CCDC7: variants seen among roughly 807,000 people sequenced by gnomAD.
The protein encoded by CCDC7 is coiled-coil domain-containing protein 7.
CCDC7 carries 183 observed loss-of-function variants against 196.9 expected under a neutral mutation model. The observed-to-expected ratio is 0.93, with a 90% CI of 0.82 to 1.05. The LOEUF (loss-of-function observed/expected upper bound fraction) is 1.05, where lower values mean the gene tolerates loss of function less well. CCDC7 is among the 50% of genes least tolerant of loss of function. The pLI, the probability that CCDC7 is intolerant of heterozygous loss-of-function variation, is 0.00. For missense variants in CCDC7, 1,540 were observed against 1,482.2 expected (o/e 1.04, Z -0.64); for synonymous variants, 525 against 484.6 (o/e 1.08, Z -1.10).
Position 32,688,028 on chromosome 10 carries a change from G to A in CCDC7, c.2234-1025G>A, listed in dbSNP as rs1319209941. Among the ~76,000 whole-genome samples, 7 of 152,126 alleles carry A rather than the reference G, an allele frequency of 4.6e-5. No individual in the cohort carries two copies. The East Asian group carries it at 1.3e-3, about 29-fold the overall frequency. On this transcript the variant is annotated intron_variant, in intron 22 of 41. Coordinates refer to ENST00000639629, the Ensembl canonical transcript of CCDC7. ...TGGGCCAAACTTTCAGAGAACAAAT[G>A]ATAGCCTATAGAGAAAGGAGAGTGC...
chr10:32,603,962 A>G (rs969146689), intron 18 of CCDC7, among the ~76,000 whole-genome samples: 5 of 151,900 alleles, frequency 3.3e-5, no homozygotes, highest in African/African-American at 9.7e-5. Context: ...ATATAGTTCC[A>G]TTTGTCTATT....
chr10:32,754,218 G>T (rs975889396), intron 28 of CCDC7, among the ~76,000 whole-genome samples: 4 of 152,108 alleles, frequency 2.6e-5, no homozygotes, highest in Non-Finnish European at 5.9e-5. Context: ...TTTAATATCA[G>T]TATGATGTTC....
chr10:32,545,640 T>G (rs1351717022), intron 13 of CCDC7, among the ~76,000 whole-genome samples: 2 of 152,146 alleles, frequency 1.3e-5, no homozygotes, highest in African/African-American at 4.8e-5. Flanking sequence ...ATGCGGTGGC[T>G]TACGCCTGTA....
At position 32,692,176 on chromosome 10, in the gene CCDC7, T is replaced by C. The variant is rs975174563; in HGVS notation, c.2345-2703T>C. On this transcript the variant is annotated intron_variant, in intron 23 of 41. Transcript: ENST00000639629. ...TGCATTACAGGCTGTCCACCATTTT[T>C]AGGGGAGTGCCTAGGGCTAAGAATA... Among the ~76,000 whole-genome samples the C allele has an allele frequency of 3.3e-5, 5 of 152,170 alleles. No individual in the cohort carries two copies. In the East Asian group the frequency reaches 9.6e-4, roughly 29 times the overall value.
chr10:32,780,846 A>AT (rs780201396), intron 29 of CCDC7, among the ~76,000 whole-genome samples: 351 of 152,196 alleles, frequency 2.3e-3, no homozygotes, highest in Non-Finnish European at 4.4e-3. Context: ...TGCAGAATGA[A>AT]TTTTTTTTAA....
At chr10:32,832,999 G>A (rs548136624) in intron 32 of CCDC7, among the ~76,000 whole-genome samples, 35 of 151,910 alleles carry the variant, frequency 2.3e-4, no homozygotes, top group African/African-American at 8.4e-4. Flanking sequence ...AAATCCACAG[G>A]AAATAATAAA....
intron 29 of CCDC7, among the ~76,000 whole-genome samples, chr10:32,794,982 C>T (rs1305471336): frequency 6.6e-6 from 1 of 152,080 alleles, no homozygotes; most frequent in Non-Finnish European, 1.5e-5. Context: ...TGCTTGGCAA[C>T]CCCATGTAGG....
intron 23 of CCDC7, among the ~76,000 whole-genome samples, chr10:32,694,103 C>G (rs913641171): frequency 2.0e-5 from 3 of 152,132 alleles, no homozygotes; most frequent in African/African-American, 7.2e-5. Context: ...GGAGGAGATG[C>G]TCCTTACAAT....
intron 11 of CCDC7, among the ~76,000 whole-genome samples, chr10:32,540,019 T>C (rs2051146371): frequency 6.6e-6 from 1 of 152,142 alleles, no homozygotes; most frequent in South Asian, 2.1e-4. Flanking sequence ...AGTGTCTATT[T>C]GTCCACTAGT....
intron 18 of CCDC7, among the ~76,000 whole-genome samples, chr10:32,620,356 G>A (rs1214738439): frequency 4.6e-5 from 7 of 151,942 alleles, no homozygotes; most frequent in East Asian, 1.9e-4. Flanking sequence ...GTTTTATAGC[G>A]TGATAATATC....
intron 32 of CCDC7, among the ~76,000 whole-genome samples, chr10:32,825,278 G>C (rs980632413): frequency 2.6e-5 from 4 of 152,154 alleles, no homozygotes; most frequent in Non-Finnish European, 5.9e-5. Context: ...TATTGATCCT[G>C]GTGTGTCTGT....
chr10:32,817,325 T>C (rs1425224965), intron 31 of CCDC7, among the ~76,000 whole-genome samples: 1 of 152,050 alleles, frequency 6.6e-6, no homozygotes, highest in Non-Finnish European at 1.5e-5. Flanking sequence ...CTTCAAGAAA[T>C]ATGGGACTAC....
chr10:32,757,585 T>C (rs1565413071), intron 28 of CCDC7, among the ~76,000 whole-genome samples: 1 of 152,218 alleles, frequency 6.6e-6, no homozygotes, highest in Non-Finnish European at 1.5e-5. Context: ...CCAGAATCTG[T>C]GGGACACATT....
chr10:32,473,940 A>G lies in CCDC7; in HGVS notation c.740-27A>G, dbSNP rs1417611615. ...TATATATAATTGCCGTTTGAAGTTT[A>G]TAGTGACAAATACACTTTTACTTCA... On this transcript the variant is annotated intron_variant, in intron 7 of 41. Coordinates refer to ENST00000639629, the Ensembl canonical transcript of CCDC7. 3 of 1,589,068 alleles carry G rather than the reference A, an allele frequency of 1.9e-6. No individual in the cohort carries two copies. In the Admixed American group the frequency reaches 5.4e-5, roughly 29 times the overall value.
chr10:32,721,476 T>C (rs2082408759), intron 25 of CCDC7, among the ~76,000 whole-genome samples: 1 of 152,122 alleles, frequency 6.6e-6, no homozygotes, highest in South Asian at 2.1e-4. Flanking sequence ...CTCCAGGCAA[T>C]CCTGTTGGTC....
chr10:32,638,814 T>C (rs2066156644), intron 20 of CCDC7, among the ~76,000 whole-genome samples: 1 of 152,118 alleles, frequency 6.6e-6, no homozygotes, highest in Non-Finnish European at 1.5e-5. Flanking sequence ...GGTACCAGCT[T>C]CTCCTTGTAC....
chr10:32,768,543 G>A (rs2078674095), intron 28 of CCDC7, among the ~76,000 whole-genome samples: 1 of 152,082 alleles, frequency 6.6e-6, no homozygotes. Context: ...CTCTGGGTAG[G>A]ACTTCCAGTA....
At chr10:32,804,637 G>C (rs1221648865) in intron 29 of CCDC7, among the ~76,000 whole-genome samples, 1 of 152,140 alleles carries the variant, frequency 6.6e-6, no homozygotes, top group Non-Finnish European at 1.5e-5. Flanking sequence ...TGGTATGAAT[G>C]TGATTCAATA....
chr10:32,533,636 A>G (rs980256956), intron 11 of CCDC7, among the ~76,000 whole-genome samples: 14 of 151,928 alleles, frequency 9.2e-5, no homozygotes, highest in African/African-American at 3.1e-4. Context: ...AAGACTTTAT[A>G]TCTCCTTCAT....
Sources: allele counts gnomAD v4.1 joint callset (sites outside exome capture counted in the v4.1 genomes callset), GRCh38; gene constraint gnomAD v4.1.1; transcripts MANE v1.5; gene names NCBI Gene and HGNC (gene_info 2026-07-23, HGNC 2026-07-21).